The following NEB variants were observed in gnomAD, a reference collection of about 807,000 sequenced individuals.
The protein encoded by NEB is nebulin.
In NEB, 512 loss-of-function variants were observed where a neutral mutation model predicts 952.2. The ratio of observed to expected loss-of-function variants is 0.54; its 90% CI spans 0.50 to 0.58. NEB has a LOEUF of 0.58. NEB is among the 20% of genes least tolerant of loss of function. NEB has a pLI of 0.00. For synonymous variants in NEB, 2,900 were observed against 3,149.8 expected, an observed-to-expected ratio of 0.92 and a Z score of 2.66; for missense variants, 8,428 against 9,231.1, an observed-to-expected ratio of 0.91 and a Z score of 3.56.
chr2:151,681,503 C>G (rs2099413736), intron 29 of NEB, among the ~76,000 whole-genome samples: 1 of 152,198 alleles, frequency 6.6e-6, no homozygotes, highest in Non-Finnish European at 1.5e-5. Context: ...GCATGTTGTA[C>G]ATCCCAGTTA....
rs747034126 is a variant in NEB at position 151,553,841 on chromosome 2, T to A, written c.19613A>T (p.Asp6538Val). 2.5e-6 allele frequency: 4 copies of A among 1,612,390 alleles called. No homozygotes were observed. The Admixed American group carries it at 6.7e-5, about 27-fold the overall frequency. Residue 6538 changes from aspartate to valine, a missense_variant, in exon 126 of 182, where the codon GAT (aspartate) becomes GTT (valine). This residue lies in a region of NEB where 3,374 missense variants were observed against 3,651.5 expected (regional missense o/e 0.92). Coordinates refer to ENST00000397345, the MANE Select transcript of NEB (RefSeq NM_001164508.2). ...TCACAGGCTTACATCGCTGATCTGA[T>A]CTGTGACTTTCCTGACGTGATCATT... is the stretch of plus-strand genomic sequence containing the variant. ...QVNDHVRKVT[D>V]QISDIVYKDD...
At chr2:151,715,305 CAT>C (rs1361736523) in intron 10 of NEB, among the ~76,000 whole-genome samples, 3 of 152,230 alleles carry the variant, frequency 2.0e-5, no homozygotes, top group Non-Finnish European at 4.4e-5. Flanking sequence ...ATGTAATCAA[CAT>C]AAAAATATTA....
At position 151,627,643 on chromosome 2, in the gene NEB, G is replaced by A. The variant is rs2098551126; in HGVS notation, c.10023C>T (p.Ala3341=). The A allele has an allele frequency of 6.2e-7, 1 of 1,613,916 alleles. No homozygotes were observed. Among genetic ancestry groups the A allele is most frequent in the Non-Finnish European group, 8.5e-7 (1 of 1,179,866 alleles). The part of the protein sequence containing the change: ...SPVDMLGVVL[A]KKCQTLVSDV... ...CGCTGACTAAGGTCTGGCACTTCTTGGCTAACACCACTCCCAGCATGTCCA... is the reference window on the plus strand; with the variant it reads ...CGCTGACTAAGGTCTGGCACTTCTTAGCTAACACCACTCCCAGCATGTCCA... The change falls in exon 69 of 182, where the codon GCC becomes GCT. Residue 3341 remains alanine, a synonymous_variant. Coordinates refer to ENST00000397345, the MANE Select transcript of NEB (RefSeq NM_001164508.2).
intron 134 of NEB, 148 bp downstream of exon 134, chr2:151,546,197 A>G (rs3213818): frequency 0.63 from 447,707 of 705,488 alleles, 143,798 homozygotes; most frequent in East Asian, 0.79. Flanking sequence ...ATCACATTAA[A>G]GTGATAATCT....
At chr2:151,496,827 A>T in intron 172 of NEB, 114 bp downstream of exon 172, 1 of 1,255,850 alleles carries the variant, frequency 8.0e-7, no homozygotes, top group South Asian at 1.4e-5. Context: ...AATTTGCTAA[A>T]GAAAGAAGTT....
intron 30 of NEB, among the ~76,000 whole-genome samples, chr2:151,680,459 G>A (rs1045383202): frequency 6.6e-6 from 1 of 151,412 alleles, no homozygotes; most frequent in East Asian, 1.9e-4. Flanking sequence ...AAAAAGGCTT[G>A]TAGTTTTTGT....
chr2:151,494,532 C>T (rs531018317), intron 173 of NEB, among the ~76,000 whole-genome samples: 13 of 152,294 alleles, frequency 8.5e-5, no homozygotes, highest in African/African-American at 3.1e-4. Context: ...CCGCTAGTCT[C>T]TCAATGTCAA....
At chr2:151,552,609 C>T (rs1199308618) in intron 128 of NEB, 63 bp downstream of exon 128, 1 of 1,202,454 alleles carries the variant, frequency 8.3e-7, no homozygotes, top group Non-Finnish European at 1.2e-6. Flanking sequence ...GTTTTTGCCA[C>T]CTCTGCTTGA....
At position 151,627,635 on chromosome 2, in the gene NEB, C is replaced by T; in HGVS notation, c.10031G>A (p.Cys3344Tyr). The T allele has an allele frequency of 6.2e-7, 1 of 1,613,986 alleles. No individual in the cohort carries two copies. The highest frequency in any genetic ancestry group is 8.5e-7 in the Non-Finnish European group (1 of 1,179,874). The change falls in exon 69 of 182, where the codon TGC (cysteine) becomes TAC (tyrosine). Residue 3344 changes from cysteine (C) to tyrosine (Y), a missense_variant. Cys to Tyr is a radical substitution (Grantham distance 194). This residue lies in a region of NEB where 1,772 missense variants were observed against 1,960.3 expected (regional missense o/e 0.90). Coordinates refer to ENST00000397345, the MANE Select transcript of NEB (RefSeq NM_001164508.2). Reference sequence around the variant, plus strand: ...GTCCACATCGCTGACTAAGGTCTGGCACTTCTTGGCTAACACCACTCCCAG... The same window carrying T: ...GTCCACATCGCTGACTAAGGTCTGGTACTTCTTGGCTAACACCACTCCCAG... ...DMLGVVLAKKCQTLVSDVDYK... is the reference protein window; with the variant it reads ...DMLGVVLAKKYQTLVSDVDYK...
intron 67 of NEB, 102 bp downstream of exon 67, chr2:151,630,613 G>C: frequency 1.1e-6 from 1 of 879,594 alleles, no homozygotes. Flanking sequence ...AGTGTTAAAT[G>C]AAAGAGCCAC....
At chr2:151,664,416 C>T in intron 44 of NEB, 85 bp downstream of exon 44, 1 of 1,004,996 alleles carries the variant, frequency 1.0e-6, no homozygotes, top group Non-Finnish European at 1.4e-6. Flanking sequence ...CTGAATGGAG[C>T]TGACCACTGC....
In NEB at chr2:151,631,356, G is replaced by GT; in HGVS notation, c.9415-11_9415-10insA. On this transcript the variant is annotated splice_polypyrimidine_tract_variant and intron_variant, in intron 65 of 181. Coordinates refer to ENST00000397345, the MANE Select transcript of NEB (RefSeq NM_001164508.2). The stretch of plus-strand genomic sequence containing the variant: ...CTGACTTGTAAATATTCTGAGCAGA[G>GT]GAAAAAAGTCAAAAACTCTTCATCA... 6.2e-7 allele frequency: 1 copy of GT among 1,602,058 alleles called. No individual in the cohort carries two copies. The highest frequency in any genetic ancestry group is 8.5e-7 in the Non-Finnish European group (1 of 1,171,992).
intron 6 of NEB, among the ~76,000 whole-genome samples, 178 bp downstream of exon 6, chr2:151,725,275 G>T (rs2099787015): frequency 6.6e-6 from 1 of 152,160 alleles, no homozygotes; most frequent in African/African-American, 2.4e-5. Flanking sequence ...GCTTTTAGAA[G>T]TTTCTTTGGG....
Position 151,570,263 on chromosome 2 carries a change from C to A in NEB, c.17248G>T (p.Asp5750Tyr). 6.2e-7 allele frequency: 1 copy of A among 1,613,802 alleles called. No homozygotes were observed. The highest frequency in any genetic ancestry group is 8.5e-7 in the Non-Finnish European group (1 of 1,179,828). Residue 5750 changes from aspartate (D) to tyrosine (Y), a missense_variant, in exon 109 of 182, where the codon GAC (aspartate) becomes TAC (tyrosine). Physicochemically the swap from Asp to Tyr is radical, Grantham distance 160. Transcript: ENST00000397345. ...KLQNEREYRL[D>Y]WAKWKAKIQS... Reference sequence around the variant, plus strand: ...ATCTTGGCCTTCCATTTGGCCCAGTCCAGCCGGTACTCTCGTTCATTCTGG... The same window carrying A: ...ATCTTGGCCTTCCATTTGGCCCAGTACAGCCGGTACTCTCGTTCATTCTGG...
chr2:151,581,387 G>T (rs916166381), intron 103 of NEB, 96 bp downstream of exon 103: 5 of 371,346 alleles, frequency 1.3e-5, no homozygotes, highest in Non-Finnish European at 2.3e-5. Context: ...GGAATGGGAA[G>T]AAAATGCCTT....
chr2:151,499,115 A>ATGAT (rs1480255151), intron 169 of NEB, among the ~76,000 whole-genome samples, 183 bp downstream of exon 169: 5 of 152,154 alleles, frequency 3.3e-5, no homozygotes, highest in Non-Finnish European at 7.4e-5. Flanking sequence ...ATTAAGTTAA[A>ATGAT]TGATTATATT....
chr2:151,734,322 T>C (rs1342489831), intron 1 of NEB, 76 bp downstream of exon 1: 1 of 152,092 alleles, frequency 6.6e-6, no homozygotes, highest in Non-Finnish European at 1.5e-5. Flanking sequence ...GCCCAAACCT[T>C]TGAAAAATAC....
intron 161 of NEB, among the ~76,000 whole-genome samples, chr2:151,511,564 A>G (rs1018210677): frequency 4.7e-4 from 71 of 152,340 alleles, no homozygotes; most frequent in African/African-American, 7.0e-4. Context: ...CCAGGTGCCT[A>G]TAAAGCACAG....
At chr2:151,570,622 G>A in intron 107 of NEB, 21 bp from the exon 108 acceptor site, 1 of 1,561,056 alleles carries the variant, frequency 6.4e-7, no homozygotes, top group South Asian at 1.2e-5. Flanking sequence ...GAAAAATAAG[G>A]TATCATCCTA....
Sources: gnomAD v4.1 joint callset for allele counts (sites outside exome capture counted in the v4.1 genomes callset) on GRCh38, gnomAD v4.1.1 for gene constraint, gnomAD v4.1.1 regional missense constraint, MANE v1.5 for transcripts, NCBI Gene and HGNC (gene_info 2026-07-23, HGNC 2026-07-21) for gene names.